Variants in C8orf34 observed in about 807,000 individuals in gnomAD.
The protein encoded by C8orf34 is chromosome 8 open reading frame 34, also known as uncharacterized protein C8orf34.
A neutral mutation model predicts 68.3 loss-of-function variants in C8orf34; 65 were observed. That is an observed-to-expected ratio of 0.95 (90% CI 0.78 to 1.17). C8orf34 has a LOEUF of 1.17. Ranked by LOEUF, C8orf34 falls within the 50% of genes most tolerant of loss-of-function variation. The pLI is 0.00. For missense variants in C8orf34, 664 were observed against 655.4 expected, an observed-to-expected ratio of 1.01 and a Z score of -0.14; for synonymous variants, 244 against 241.2, an observed-to-expected ratio of 1.01 and a Z score of -0.11.
chr8:68,742,439 A>T (rs1822328918), intron 10 of C8orf34, among the ~76,000 whole-genome samples: 2 of 152,190 alleles, frequency 1.3e-5, no homozygotes, highest in African/African-American at 4.8e-5. Context: ...AACATCCATA[A>T]GCCTGTATTC....
intron 6 of C8orf34, among the ~76,000 whole-genome samples, chr8:68,531,857 G>T (rs1815260317): frequency 6.6e-6 from 1 of 152,040 alleles, no homozygotes; most frequent in Non-Finnish European, 1.5e-5. Context: ...CTTAGCAGCA[G>T]GGCTCCTTGC....
intron 8 of C8orf34, among the ~76,000 whole-genome samples, chr8:68,690,529 G>C (rs1278157263): frequency 1.3e-5 from 2 of 151,946 alleles, no homozygotes; most frequent in East Asian, 3.9e-4. Context: ...GGGCCCATTT[G>C]TCATAGACAG....
At chr8:68,687,422 C>T (rs1820552293) in intron 8 of C8orf34, among the ~76,000 whole-genome samples, 1 of 151,946 alleles carries the variant, frequency 6.6e-6, no homozygotes, top group Admixed American at 6.6e-5. Flanking sequence ...GGATCTTAGA[C>T]CAATGGAACA....
At chr8:68,784,173 C>A (rs1823775862) in intron 11 of C8orf34, among the ~76,000 whole-genome samples, 1 of 152,000 alleles carries the variant, frequency 6.6e-6, no homozygotes, top group South Asian at 2.1e-4. Flanking sequence ...TGGTTGTGAC[C>A]CTTTCTCACA....
chr8:68,655,700 A>C (rs1475342357), intron 8 of C8orf34, among the ~76,000 whole-genome samples: 1 of 152,136 alleles, frequency 6.6e-6, no homozygotes, highest in Non-Finnish European at 1.5e-5. Flanking sequence ...TTTGACTTAC[A>C]ATATTTTCCA....
intron 7 of C8orf34, among the ~76,000 whole-genome samples, chr8:68,618,105 T>A (rs1818281170): frequency 6.6e-6 from 1 of 152,156 alleles, no homozygotes; most frequent in South Asian, 2.1e-4. Flanking sequence ...TTGTCTTGAA[T>A]GTCTCAAATG....
intron 10 of C8orf34, among the ~76,000 whole-genome samples, chr8:68,734,884 A>T (rs1822080940): frequency 6.6e-6 from 1 of 152,200 alleles, no homozygotes; most frequent in Admixed American, 6.5e-5. Flanking sequence ...ATAGAGATAC[A>T]GGTGGGGAAA....
intron 7 of C8orf34, among the ~76,000 whole-genome samples, chr8:68,591,758 T>C (rs1354943321): frequency 6.6e-6 from 1 of 152,198 alleles, no homozygotes; most frequent in African/African-American, 2.4e-5. Flanking sequence ...ATATTCTCAC[T>C]AACTTTTAAA....
At chr8:68,567,888 T>C (rs1484046325) in intron 7 of C8orf34, among the ~76,000 whole-genome samples, 1 of 151,236 alleles carries the variant, frequency 6.6e-6, no homozygotes, top group Non-Finnish European at 1.5e-5. Flanking sequence ...CTACATGCCT[T>C]CCTCACTAAG....
chr8:68,511,403 A>G (rs906629804), intron 5 of C8orf34, among the ~76,000 whole-genome samples: 1 of 152,096 alleles, frequency 6.6e-6, no homozygotes, highest in African/African-American at 2.4e-5. Flanking sequence ...TAAAGAGAGC[A>G]GGGGTACTAG....
chr8:68,631,252 ACT>A (rs753059662), intron 7 of C8orf34, among the ~76,000 whole-genome samples: 109 of 151,722 alleles, frequency 7.2e-4, no homozygotes, highest in Middle Eastern at 3.4e-3. Context: ...AGAGAGCAAG[ACT>A]CTATCTCAAA....
intron 11 of C8orf34, among the ~76,000 whole-genome samples, chr8:68,785,242 A>G (rs939207614): frequency 6.6e-6 from 1 of 152,132 alleles, no homozygotes; most frequent in Non-Finnish European, 1.5e-5. Context: ...AGAAATACAT[A>G]TCAACATTTC....
At chr8:68,787,258 T>C (rs1410673421) in intron 11 of C8orf34, among the ~76,000 whole-genome samples, 185 bp from the exon 12 acceptor site, 1 of 152,088 alleles carries the variant, frequency 6.6e-6, no homozygotes, top group Non-Finnish European at 1.5e-5. Flanking sequence ...AAAAAATGAG[T>C]TCAGAGTTTG....
intron 1 of C8orf34, among the ~76,000 whole-genome samples, chr8:68,395,822 T>G (rs1367134610): frequency 6.6e-6 from 1 of 151,820 alleles, no homozygotes; most frequent in Admixed American, 6.6e-5. Context: ...TATGCTGGAG[T>G]TGTGACGTTG....
At chr8:68,780,421 T>C (rs1823642132) in intron 11 of C8orf34, among the ~76,000 whole-genome samples, 1 of 152,250 alleles carries the variant, frequency 6.6e-6, no homozygotes. Context: ...CAAAGTATAG[T>C]GTAGGATGGC....
chr8:68,569,706 C>G (rs1296263775), intron 7 of C8orf34, among the ~76,000 whole-genome samples: 1 of 152,190 alleles, frequency 6.6e-6, no homozygotes, highest in African/African-American at 2.4e-5. Flanking sequence ...TGTCAGAGTA[C>G]TACAAACTCT....
In C8orf34 at chr8:68,815,885, G is replaced by T. The variant is rs1481943537; in HGVS notation, c.1550-1G>T. Reference sequence around the variant, plus strand: ...TTATCTCTGTTTCTTTTGTTGTGCAGGTTCCGCTGATCTTCTTCTTTGCGT... The same window carrying T: ...TTATCTCTGTTTCTTTTGTTGTGCATGTTCCGCTGATCTTCTTCTTTGCGT... On this transcript the variant is annotated splice_acceptor_variant, in intron 12 of 13. Coordinates refer to ENST00000518698, the MANE Select transcript of C8orf34 (RefSeq NM_052958.4). LOFTEE classifies it high-confidence loss of function. 4 of 1,613,588 alleles carry T rather than the reference G, an allele frequency of 2.5e-6. No homozygotes were observed. The highest frequency in any genetic ancestry group is 1.3e-5 in the African/African-American group (1 of 74,874).
chr8:68,632,198 C>A (rs1441092055), intron 7 of C8orf34, among the ~76,000 whole-genome samples: 1 of 152,114 alleles, frequency 6.6e-6, no homozygotes, highest in African/African-American at 2.4e-5. Flanking sequence ...AGATGAGGAA[C>A]TTTTTGGGAA....
intron 1 of C8orf34, among the ~76,000 whole-genome samples, chr8:68,410,237 A>C (rs1809387724): frequency 6.6e-6 from 1 of 152,144 alleles, no homozygotes. Context: ...TTGGGTAGAG[A>C]GGTTAGCAAT....
Sources: gnomAD v4.1 joint callset for allele counts (sites outside exome capture counted in the v4.1 genomes callset) on GRCh38, gnomAD v4.1.1 for gene constraint, MANE v1.5 for transcripts, NCBI Gene and HGNC (gene_info 2026-07-23, HGNC 2026-07-21) for gene names.